Variants in SLCO1A2 observed in about 807,000 individuals in gnomAD.
SLCO1A2 encodes solute carrier organic anion transporter family member 1A2, also known as OATP-1.
Under a neutral mutation model 69.0 loss-of-function variants are expected in SLCO1A2, and 67 were observed. The ratio of observed to expected loss-of-function variants is 0.97; its 90% CI spans 0.80 to 1.19. SLCO1A2 has a LOEUF of 1.19. Among genes scored for constraint, SLCO1A2 ranks in the 50% most tolerant of loss-of-function variants. The probability of loss-of-function intolerance (pLI) is 0.00; values close to 1 mark genes in which losing one functional copy is unlikely to be tolerated. For synonymous variants in SLCO1A2, 260 were observed against 265.9 expected (o/e 0.98, Z 0.22); for missense variants, 787 against 793.7 (o/e 0.99, Z 0.10).
intron 2 of SLCO1A2, among the ~76,000 whole-genome samples, chr12:21,353,549 T>A (rs1361849469): frequency 2.0e-5 from 3 of 152,192 alleles, no homozygotes; most frequent in Non-Finnish European, 4.4e-5. Flanking sequence ...GATAGCAGAT[T>A]GCTGTGATGC....
intron 13 of SLCO1A2, chr12:21,274,868 GTTATATGTACA>G: frequency 9.8e-7 from 1 of 1,018,896 alleles, no homozygotes; most frequent in Non-Finnish European, 1.2e-6. Context: ...TTTTGGGCCA[GTTATATGTACA>G]TTTTATTTGG....
intron 2 of SLCO1A2, among the ~76,000 whole-genome samples, chr12:21,363,175 C>T (rs1179086935): frequency 6.6e-6 from 1 of 152,092 alleles, no homozygotes; most frequent in Non-Finnish European, 1.5e-5. Flanking sequence ...TGTAAAAGAA[C>T]AGAAATTATA....
chr12:21,389,906 T>G (rs1941067870), intron 1 of SLCO1A2, among the ~76,000 whole-genome samples: 1 of 149,352 alleles, frequency 6.7e-6, no homozygotes, highest in African/African-American at 2.4e-5. Context: ...TTCTATTATA[T>G]TACTAATTAT....
chr12:21,294,872 A>G (rs546426507), intron 10 of SLCO1A2: 2 of 152,320 alleles, frequency 1.3e-5, no homozygotes, highest in South Asian at 4.1e-4. Context: ...ATCAAATAGC[A>G]TATGTAAAAT....
intron 1 of SLCO1A2, among the ~76,000 whole-genome samples, chr12:21,388,035 G>A (rs1265074909): frequency 1.3e-5 from 2 of 152,194 alleles, no homozygotes; most frequent in Admixed American, 6.5e-5. Context: ...TGTTGGGCCT[G>A]TAGCCCCTTT....
intron 2 of SLCO1A2, among the ~76,000 whole-genome samples, chr12:21,370,412 T>G (rs375663392): frequency 2.6e-5 from 4 of 151,802 alleles, no homozygotes; most frequent in African/African-American, 9.7e-5. Flanking sequence ...ATGTGCCATG[T>G]TGGTGTGCTG....
At chr12:21,395,650 G>T (rs367555763), upstream of SLCO1A2, among the ~76,000 whole-genome samples, 68 of 152,268 alleles carry the variant, frequency 4.5e-4, no homozygotes, top group East Asian at 2.9e-3. Flanking sequence ...AGAGCAGTGG[G>T]TCTCCCAGCA....
intron 6 of SLCO1A2, among the ~76,000 whole-genome samples, chr12:21,302,641 C>G (rs1212031162): frequency 6.6e-6 from 1 of 151,526 alleles, no homozygotes; most frequent in Non-Finnish European, 1.5e-5. Flanking sequence ...TTCAAGTGAT[C>G]CACCTCCCGG....
chr12:21,343,192 TTCA>T (rs1211678366), intron 2 of SLCO1A2, among the ~76,000 whole-genome samples: 2 of 152,088 alleles, frequency 1.3e-5, no homozygotes, highest in Non-Finnish European at 2.9e-5. Context: ...TGCCATTAGG[TTCA>T]TATTTTCTTG....
intron 3 of SLCO1A2, among the ~76,000 whole-genome samples, chr12:21,317,348 C>G (rs1951010656): frequency 6.6e-6 from 1 of 152,142 alleles, no homozygotes; most frequent in Non-Finnish European, 1.5e-5. Flanking sequence ...TGTTGCTTCT[C>G]ACATAGGCTA....
chr12:21,319,254 C>G (rs1330879980), intron 2 of SLCO1A2: 9 of 1,025,014 alleles, frequency 8.8e-6, no homozygotes, highest in Non-Finnish European at 1.3e-5. Flanking sequence ...ATCTAAAGTA[C>G]AAAAGAATTC....
In SLCO1A2 at chr12:21,351,807, T is replaced by A. The variant is rs188290179; in HGVS notation, c.-62-17098A>T. Reference sequence around the variant, plus strand: ...AAAAAAAAAATCATAAAAATAAAAATGAAAGTTTAGGAATAGACCATTATT... The same window carrying A: ...AAAAAAAAAATCATAAAAATAAAAAAGAAAGTTTAGGAATAGACCATTATT... On this transcript the variant is annotated intron_variant, in intron 2 of 15. Coordinates refer to the SLCO1A2 transcript ENST00000307378. Among the ~76,000 whole-genome samples, 5 of 150,984 alleles carry A rather than the reference T, an allele frequency of 3.3e-5. No individual in the cohort carries two copies. The East Asian group carries it at 7.8e-4, about 24-fold the overall frequency.
chr12:21,415,042 T>G (rs754359875), intron 1 of SLCO1A2, among the ~76,000 whole-genome samples: 1 of 152,102 alleles, frequency 6.6e-6, no homozygotes, highest in Non-Finnish European at 1.5e-5. Context: ...TGTTCTTATC[T>G]TTTTGGTACA....
chr12:21,284,110 T>G (rs1344089145), intron 12 of SLCO1A2, among the ~76,000 whole-genome samples: 1 of 152,196 alleles, frequency 6.6e-6, no homozygotes, highest in Non-Finnish European at 1.5e-5. Flanking sequence ...AAGAGATATC[T>G]GCACTCCCAT....
intron 13 of SLCO1A2, 192 bp from the exon 14 acceptor site, chr12:21,274,778 T>A (rs760673888): frequency 1.3e-4 from 87 of 685,272 alleles, no homozygotes; most frequent in South Asian, 9.2e-4. Context: ...ATAAGTAATC[T>A]TATGGTCAAA....
At chr12:21,274,658 TTTTC>T (rs1306589460) in intron 13 of SLCO1A2, 72 bp from the exon 14 acceptor site, 14 of 1,080,080 alleles carry the variant, frequency 1.3e-5, no homozygotes, top group Non-Finnish European at 2.0e-5. Context: ...AATATTTCAA[TTTTC>T]TTTATTTGTA....
intron 1 of SLCO1A2, among the ~76,000 whole-genome samples, chr12:21,414,299 T>C (rs1006863689): frequency 2.0e-5 from 3 of 151,758 alleles, no homozygotes; most frequent in Non-Finnish European, 4.4e-5. Flanking sequence ...TTTTAATTTC[T>C]TCTTTTCCAA....
At chr12:21,281,457 AAAG>A (rs1469498427) in intron 12 of SLCO1A2, among the ~76,000 whole-genome samples, 1 of 152,118 alleles carries the variant, frequency 6.6e-6, no homozygotes, top group Non-Finnish European at 1.5e-5. Flanking sequence ...CTCAAAAAAA[AAAG>A]AAAAGAAAAA....
At chr12:21,275,321 T>C (rs369138502) in intron 13 of SLCO1A2, 39 bp downstream of exon 13, 12 of 1,469,262 alleles carry the variant, frequency 8.2e-6, no homozygotes, top group Non-Finnish European at 1.1e-5. Context: ...AATAATAATA[T>C]TGTTCTGATA....
Sources: gnomAD v4.1 joint callset for allele counts (sites outside exome capture counted in the v4.1 genomes callset) on GRCh38, gnomAD v4.1.1 for gene constraint, MANE v1.5 for transcripts, NCBI Gene and HGNC (gene_info 2026-07-23, HGNC 2026-07-21) for gene names.